MYO9A: variants seen among roughly 807,000 people sequenced by gnomAD.
MYO9A encodes unconventional myosin-IXa.
A neutral mutation model predicts 293.3 loss-of-function variants in MYO9A; 103 were observed. The ratio of observed to expected loss-of-function variants is 0.35; its 90% confidence interval spans 0.30 to 0.41. The LOEUF (loss-of-function observed/expected upper bound fraction) is 0.41. MYO9A is among the 10% of genes least tolerant of loss of function. MYO9A has a pLI of 1.00. For synonymous variants in MYO9A, 1,001 were observed against 1,035.7 expected (o/e 0.97, Z 0.64); for missense variants, 2,685 against 3,033.0 (o/e 0.89, Z 2.69).
chr15:71,978,840 T>C (rs1002990852), intron 11 of MYO9A, among the ~76,000 whole-genome samples: 1 of 152,122 alleles, frequency 6.6e-6, no homozygotes, highest in Non-Finnish European at 1.5e-5. Context: ...GTTCAGGTCT[T>C]GAGTAACTAC....
intron 39 of MYO9A, among the ~76,000 whole-genome samples, chr15:71,844,912 G>T (rs1165364107): frequency 6.6e-6 from 1 of 152,116 alleles, no homozygotes; most frequent in African/African-American, 2.4e-5. Context: ...CCCAAAGAAA[G>T]TACACGTTAC....
rs1173417574 is a variant in MYO9A, at chr15:71,824,490, CAATT to C, written c.*2086_*2089del. 1 of 152,082 alleles carries C rather than the reference CAATT, an allele frequency of 6.6e-6. No individual in the cohort carries two copies. Among genetic ancestry groups the C allele is most frequent in the Non-Finnish European group, 1.5e-5 (1 of 68,040 alleles). 9.4% of individuals were successfully genotyped at this position (152,082 alleles called of 1,614,324 possible). A position where few individuals can be genotyped will look rare whatever the true frequency, so the allele number is the denominator to read the frequency against. On this transcript the variant is annotated 3_prime_UTR_variant, in exon 42 of 42. Transcript: ENST00000356056. ...ACATTCTGGAGCAAGTGCAGAGTAA[CAATT>C]AATGCCCAGCAGTACACTACTCTCC...
At chr15:71,879,877 A>T (rs765787679) in intron 29 of MYO9A, 40 bp from the exon 30 acceptor site, 1 of 1,333,060 alleles carries the variant, frequency 7.5e-7, no homozygotes, top group Admixed American at 1.7e-5. Context: ...CAATCAACTA[A>T]TTGAAAAGAA....
In MYO9A at chr15:71,945,829, A is replaced by C. The variant is rs2058902469; in HGVS notation, c.2302+5948T>G. 2.0e-5 allele frequency among the ~76,000 whole-genome samples: 3 copies of C among 152,204 alleles called. No homozygotes were observed. The South Asian group carries it at 6.2e-4, about 32-fold the overall frequency. On this transcript the variant is annotated intron_variant, in intron 15 of 41. Coordinates refer to ENST00000356056, the MANE Select transcript of MYO9A (RefSeq NM_006901.4). ...TCTTAATGTTAGGGAAAAAGTATTCAATCTTTCACTAATAACTATGGAGTT... is the reference window on the plus strand; with the variant it reads ...TCTTAATGTTAGGGAAAAAGTATTCCATCTTTCACTAATAACTATGGAGTT...
At chr15:71,936,335 G>A (rs1444397006) in intron 16 of MYO9A, among the ~76,000 whole-genome samples, 1 of 152,104 alleles carries the variant, frequency 6.6e-6, no homozygotes, top group East Asian at 1.9e-4. Flanking sequence ...GTGGAGGGGT[G>A]CAGTAAGCAG....
At chr15:71,847,406 A>G (rs1305646709) in intron 39 of MYO9A, 6 of 453,502 alleles carry the variant, frequency 1.3e-5, no homozygotes, top group Non-Finnish European at 2.7e-5. Flanking sequence ...TTGCATTATT[A>G]ATACATACCG....
intron 1 of MYO9A, among the ~76,000 whole-genome samples, chr15:72,072,112 AG>A (rs1311915210): frequency 1.3e-5 from 2 of 150,204 alleles, no homozygotes; most frequent in Non-Finnish European, 3.0e-5. Flanking sequence ...TACATAAAAG[AG>A]AAAAAAGATA....
chr15:71,926,339 G>A (rs1046448398), intron 18 of MYO9A, among the ~76,000 whole-genome samples: 3 of 152,130 alleles, frequency 2.0e-5, no homozygotes, highest in African/African-American at 7.2e-5. Context: ...TGAGGCTGGA[G>A]GATCACTTGA....
intron 2 of MYO9A, among the ~76,000 whole-genome samples, chr15:72,033,589 G>T (rs998883210): frequency 6.6e-6 from 1 of 152,100 alleles, no homozygotes; most frequent in East Asian, 1.9e-4. Flanking sequence ...TCTAGAAAAG[G>T]CAAAACAAGA....
At chr15:72,009,386 T>C (rs2077109017) in intron 7 of MYO9A, among the ~76,000 whole-genome samples, 1 of 152,044 alleles carries the variant, frequency 6.6e-6, no homozygotes, top group African/African-American at 2.4e-5. Flanking sequence ...GGAGAGGTGA[T>C]TTTCTCCTAC....
chr15:71,947,153 G>A (rs1034657599), intron 15 of MYO9A, among the ~76,000 whole-genome samples: 1 of 151,962 alleles, frequency 6.6e-6, no homozygotes, highest in Non-Finnish European at 1.5e-5. Flanking sequence ...ATGGTGGCAT[G>A]CACCTGTAGT....
At chr15:72,078,126 A>G (rs2079428781) in intron 1 of MYO9A, among the ~76,000 whole-genome samples, 1 of 152,178 alleles carries the variant, frequency 6.6e-6, no homozygotes, top group African/African-American at 2.4e-5. Context: ...CAGTTCTTAC[A>G]AAACTAAACA....
chr15:71,978,225 T>C lies in MYO9A; in HGVS notation c.1790A>G (p.Asn597Ser). ...TCCTGTTGGTTTTTTGCTAATAAGA[T>C]TTATGCAGCAGGTATTATCAATGTA... ...IDYIDNTCCI[N>S]LISKKPTGLL... The change falls in exon 12 of 42, where the codon AAT becomes AGT. Residue 597 changes from asparagine to serine, a missense_variant. Physicochemically the swap from Asn to Ser is conservative, Grantham distance 46. This residue lies in a region of MYO9A where 201 missense variants were observed against 245.2 expected (regional missense o/e 0.82). Transcript: ENST00000356056. 6.2e-7 allele frequency: 1 copy of C among 1,613,116 alleles called. No individual in the cohort carries two copies. Among genetic ancestry groups the C allele is most frequent in the Non-Finnish European group, 8.5e-7 (1 of 1,179,378 alleles).
At chr15:72,103,397 C>A (rs2080445407) in intron 1 of MYO9A, among the ~76,000 whole-genome samples, 1 of 141,544 alleles carries the variant, frequency 7.1e-6, no homozygotes. Flanking sequence ...GCAGCAGAAG[C>A]AGCAGCAAGC....
intron 4 of MYO9A, among the ~76,000 whole-genome samples, chr15:72,025,630 G>A (rs1471287251): frequency 1.3e-5 from 2 of 152,130 alleles, no homozygotes; most frequent in Non-Finnish European, 2.9e-5. Context: ...GATTACAGGA[G>A]TGAGCCAGTG....
At chr15:72,033,226 C>CA (rs1165984522) in intron 2 of MYO9A, among the ~76,000 whole-genome samples, 2 of 151,934 alleles carry the variant, frequency 1.3e-5, no homozygotes, top group Admixed American at 6.6e-5. Context: ...AGCCCCCCTA[C>CA]AAAAAAGTCT....
At chr15:72,113,587 G>C (rs1459182977) in intron 1 of MYO9A, among the ~76,000 whole-genome samples, 2 of 152,136 alleles carry the variant, frequency 1.3e-5, no homozygotes, top group African/African-American at 2.4e-5. Flanking sequence ...TTATTCAATA[G>C]GAAAGGACAT....
intron 1 of MYO9A, among the ~76,000 whole-genome samples, chr15:72,116,614 C>T (rs1283429585): frequency 6.6e-6 from 1 of 151,928 alleles, no homozygotes; most frequent in African/African-American, 2.4e-5. Context: ...TCTAGCAAAT[C>T]CAAAAAACAG....
chr15:71,846,729 C>T (rs1357009823), intron 39 of MYO9A, among the ~76,000 whole-genome samples: 2 of 140,882 alleles, frequency 1.4e-5, no homozygotes, highest in African/African-American at 5.2e-5. Context: ...GGACAGTTTT[C>T]CACAAATATT....
Sources: allele counts gnomAD v4.1 joint callset (sites outside exome capture counted in the v4.1 genomes callset), GRCh38; gene constraint gnomAD v4.1.1; regional missense constraint gnomAD v4.1.1; transcripts MANE v1.5; gene names NCBI Gene and HGNC (gene_info 2026-07-23, HGNC 2026-07-21).